Variants in USP19 observed in about 807,000 individuals in gnomAD.
The protein encoded by USP19 is ubiquitin specific peptidase 19.
In USP19, 40 loss-of-function variants were observed where a neutral mutation model predicts 144.8. That is an observed-to-expected ratio of 0.28 (90% CI 0.21 to 0.36). The LOEUF is 0.36. Among genes scored for constraint, USP19 ranks in the 10% least tolerant of loss-of-function variants. The pLI, the probability that USP19 is intolerant of heterozygous loss-of-function variation, is 1.00. For missense variants in USP19, 1,518 were observed against 1,822.5 expected (o/e 0.83, Z 3.04); for synonymous variants, 701 against 709.3 (o/e 0.99, Z 0.19).
At position 49,110,548 on chromosome 3, in the gene USP19, T is replaced by C; in HGVS notation, c.3755A>G (p.Tyr1252Cys). Residue 1252 changes from tyrosine (Y) to cysteine (C), a missense_variant, in exon 25 of 27, where the codon TAC becomes TGC. Around this residue, in one of 5 missense-constraint regions of USP19, gnomAD observed 122 missense variants for 200.4 expected, o/e 0.61. Coordinates refer to ENST00000417901, the MANE Select transcript of USP19 (RefSeq NM_001199161.2). This position sits in a 1 kb window ranked among gnomAD's most constrained non-coding sequence, Gnocchi z 6.1. The part of the protein sequence containing the change: ...IGQKEEQLPS[Y>C]DLYAVINHYG... ...GTGGTTGATGACAGCATATAGATCGTAGCTGGGCAGCTGCTCCTCTTTCTG... is the reference window on the plus strand; with the variant it reads ...GTGGTTGATGACAGCATATAGATCGCAGCTGGGCAGCTGCTCCTCTTTCTG... 1.2e-6 allele frequency: 2 copies of C among 1,614,096 alleles called. No individual in the cohort carries two copies. Among genetic ancestry groups the C allele is most frequent in the Non-Finnish European group, 1.7e-6 (2 of 1,180,024 alleles).
At position 49,108,711 on chromosome 3, in the gene USP19, T is replaced by A; in HGVS notation, c.4039-183A>T. The A allele has an allele frequency of 7.4e-7, 1 of 1,343,882 alleles. No individual in the cohort carries two copies. Among genetic ancestry groups the A allele is most frequent in the Non-Finnish European group, 9.5e-7 (1 of 1,051,496 alleles). The allele number at this position is 1,343,882 out of a possible 1,614,324, so 83.2% of individuals were successfully genotyped here. On this transcript the variant is annotated intron_variant, in intron 26 of 26. Coordinates refer to ENST00000417901, the MANE Select transcript of USP19 (RefSeq NM_001199161.2). This position sits in a 1 kb window ranked among gnomAD's most constrained non-coding sequence, Gnocchi z 4.8. The stretch of plus-strand genomic sequence containing the variant: ...GTCTGGTTTTATTAACACTTTTAAG[T>A]ACAGGAAGTAGCTTGGGCAGGGCCA...
chr3:49,114,610 C>T lies in USP19; in HGVS notation c.2292+153G>A, dbSNP rs2043778126. 1.3e-5 allele frequency among the ~76,000 whole-genome samples: 2 copies of T among 152,218 alleles called. No individual in the cohort carries two copies. The highest frequency in any genetic ancestry group is 4.8e-5 in the African/African-American group (2 of 41,452). On this transcript the variant is annotated intron_variant, in intron 15 of 26. Transcript: ENST00000417901. The surrounding 1 kb of genome is among the most constrained non-coding windows in gnomAD (Gnocchi z 4.5). ...TCAGGAAGCCTACCCTGAGTGGGCT[C>T]TTCAGCCCAAATAGAATCCTAAGGC...
At position 49,114,291 on chromosome 3, in the gene USP19, ATG is replaced by A. The variant is rs760241590; in HGVS notation, c.2293-9_2293-8del. Reference sequence around the variant, plus strand: ...GGTCAAAAGTGATGGAGACCTGTGGATGTAGAGGTGGCACTGGGTAGCTGCAC... The same window carrying A: ...GGTCAAAAGTGATGGAGACCTGTGGATAGAGGTGGCACTGGGTAGCTGCAC... On this transcript the variant is annotated splice_polypyrimidine_tract_variant and splice_region_variant and intron_variant, in intron 15 of 26. Coordinates refer to ENST00000417901, the MANE Select transcript of USP19 (RefSeq NM_001199161.2). This position sits in a 1 kb window ranked among gnomAD's most constrained non-coding sequence, Gnocchi z 4.5. The A allele has an allele frequency of 1.2e-6, 2 of 1,613,564 alleles. No homozygotes were observed. The highest frequency in any genetic ancestry group is 1.7e-6 in the Non-Finnish European group (2 of 1,179,516).
Position 49,108,433 on chromosome 3 carries a change from G to A in USP19, c.4134C>T (p.Ser1378=). The A allele has an allele frequency of 7.2e-7, 1 of 1,389,858 alleles. No homozygotes were observed. Among genetic ancestry groups the A allele is most frequent in the Non-Finnish European group, 9.4e-7 (1 of 1,058,588 alleles). 86.1% of individuals were successfully genotyped at this position (1,389,858 alleles called of 1,614,324 possible). A position where few individuals can be genotyped will look rare whatever the true frequency, so the allele number is the denominator to read the frequency against. Residue 1378 remains serine (S), a synonymous_variant, in exon 27 of 27, where the codon AGC becomes AGT. Transcript: ENST00000417901. The surrounding 1 kb of genome is among the most constrained non-coding windows in gnomAD (Gnocchi z 4.8). ...PPVDRPAPTY[S]NMEEVD ...CCTGCTAATCCACCTCCTCCATGTT[G>A]CTGTAGGTGGGGGCTGGCCGATCCA...
chr3:49,113,308 ACT>A (rs1284693808), intron 17 of USP19, among the ~76,000 whole-genome samples: 6 of 152,078 alleles, frequency 3.9e-5, no homozygotes, highest in Admixed American at 1.3e-4. Context: ...ACAGAGTCTC[ACT>A]CTGTCACCCA....
chr3:49,112,248 G>T lies in USP19; in HGVS notation c.2765+36C>A. The T allele has an allele frequency of 6.3e-7, 1 of 1,579,618 alleles. No individual in the cohort carries two copies. On this transcript the variant is annotated intron_variant, in intron 19 of 26. Coordinates refer to ENST00000417901, the MANE Select transcript of USP19 (RefSeq NM_001199161.2). This position sits in a 1 kb window ranked among gnomAD's most constrained non-coding sequence, Gnocchi z 4.9. ...GGAGCAGGGTGGCACATGGAAGGTGGAAAGAAAGGGTAGGGGAGACCATGG... is the reference window on the plus strand; with the variant it reads ...GGAGCAGGGTGGCACATGGAAGGTGTAAAGAAAGGGTAGGGGAGACCATGG...
In USP19 at chr3:49,111,129, C is replaced by T; in HGVS notation, c.3366G>A (p.Leu1122=). Residue 1122 remains leucine, a synonymous_variant, in exon 23 of 27, where the codon CTG becomes CTA. Coordinates refer to ENST00000417901, the MANE Select transcript of USP19 (RefSeq NM_001199161.2). The surrounding 1 kb of genome is among the most constrained non-coding windows in gnomAD (Gnocchi z 5.9). ...TPLELGDDCS[L]ALVWRNNERL... is the part of the protein sequence containing the mutation. ...GCTCATTGTTCCGCCAGACGAGAGC[C>T]AGGCTACAGTCGTCACCCAGCTCCA... 6.2e-7 allele frequency: 1 copy of T among 1,613,804 alleles called. No individual in the cohort carries two copies.
At position 49,116,389 on chromosome 3, in the gene USP19, G is replaced by T; in HGVS notation, c.1284-38C>A. 6.2e-7 allele frequency: 1 copy of T among 1,614,052 alleles called. No homozygotes were observed. The highest frequency in any genetic ancestry group is 2.2e-5 in the East Asian group (1 of 44,868). On this transcript the variant is annotated intron_variant, in intron 8 of 26. Coordinates refer to ENST00000417901, the MANE Select transcript of USP19 (RefSeq NM_001199161.2). This position sits in a 1 kb window ranked among gnomAD's most constrained non-coding sequence, Gnocchi z 5.0. The stretch of plus-strand genomic sequence containing the variant: ...AGCAGGATAGGAGGAAGGACAAGAG[G>T]AAGAGCATGAGACATACTGTCCCAC...
In USP19 at chr3:49,111,518, T is replaced by A; in HGVS notation, c.3199A>T (p.Arg1067Trp). ...ATCTTACCTTCGGGTCGGGACACCC[T>A]CTCGCCAGCTGGCAAGGAGCCAACC... is the stretch of plus-strand genomic sequence containing the variant. ...IEVGSLPAGE[R>W]VSRPEAAVPG... Residue 1067 changes from arginine to tryptophan, a missense_variant, in exon 21 of 27, where the codon AGG becomes TGG. Transcript: ENST00000417901. The surrounding 1 kb of genome is among the most constrained non-coding windows in gnomAD (Gnocchi z 5.9). The A allele has an allele frequency of 6.2e-7, 1 of 1,611,626 alleles. No individual in the cohort carries two copies. Among genetic ancestry groups the A allele is most frequent in the Non-Finnish European group, 8.5e-7 (1 of 1,179,942 alleles).
rs760282728 is a variant in USP19 at position 49,111,699 on chromosome 3, G to A, written c.3018C>T (p.Ser1006=). The A allele has an allele frequency of 6.9e-6, 11 of 1,594,246 alleles. No homozygotes were observed. The highest frequency in any genetic ancestry group is 1.7e-4 in the Middle Eastern group (1 of 5,998). ...CAGGTGGCTGAATGGGGTCTCTCTC[G>A]CTGTCCCCAGCCTCCAGGGAACCTG... The part of the protein sequence containing the change: ...LSTGSLEAGD[S]ERDPIQPPEL... The change falls in exon 21 of 27, where the codon AGC becomes AGT. Residue 1006 remains serine (S), a synonymous_variant. Transcript: ENST00000417901. This position sits in a 1 kb window ranked among gnomAD's most constrained non-coding sequence, Gnocchi z 5.9.
rs2044194327 is a variant in USP19 at position 49,116,661 on chromosome 3, A to G, written c.1127-54T>C. 7 of 1,611,374 alleles carry G rather than the reference A, an allele frequency of 4.3e-6. No individual in the cohort carries two copies. The highest frequency in any genetic ancestry group is 5.1e-6 in the Non-Finnish European group (6 of 1,178,292). ...CCAGGACAGGTTCCAGCCTATTGCT[A>G]CTCTCTATCCACCTACAAACTTTGC... is the stretch of plus-strand genomic sequence containing the variant. On this transcript the variant is annotated intron_variant, in intron 7 of 26. Coordinates refer to ENST00000417901, the MANE Select transcript of USP19 (RefSeq NM_001199161.2). The surrounding 1 kb of genome is among the most constrained non-coding windows in gnomAD (Gnocchi z 5.0).
Position 49,111,411 on chromosome 3 carries a change from T to TCACCAGGCC in USP19, c.3218-55_3218-47dup. Reference sequence around the variant, plus strand: ...CAAAGCTTCCCTGCCCATCAGGGCCTCACCAGGCCCACCAGGCCCTAAACA... The same window carrying TCACCAGGCC: ...CAAAGCTTCCCTGCCCATCAGGGCCTCACCAGGCCCACCAGGCCCACCAGGCCCTAAACA... On this transcript the variant is annotated intron_variant, in intron 21 of 26. Transcript: ENST00000417901. The surrounding 1 kb of genome is among the most constrained non-coding windows in gnomAD (Gnocchi z 5.9). The TCACCAGGCC allele has an allele frequency of 3.7e-6, 6 of 1,613,460 alleles. No individual in the cohort carries two copies. The highest frequency in any genetic ancestry group is 5.1e-6 in the Non-Finnish European group (6 of 1,179,562).
Position 49,114,028 on chromosome 3 carries a change from A to T in USP19, c.2469T>A (p.Ser823Arg), listed in dbSNP as rs773707131. ...ASEVLDSLSQ[S>R]VHVKPENLRL... ...GCAGGTTCTCAGGCTTCACATGAAC[A>T]CTCTGAGAGAGGGAGTCCAATACTT... Residue 823 changes from serine to arginine, a missense_variant, in exon 17 of 27, where the codon AGT becomes AGA. Around this residue, in one of 5 missense-constraint regions of USP19, gnomAD observed 413 missense variants for 515.8 expected, o/e 0.80. Coordinates refer to ENST00000417901, the MANE Select transcript of USP19 (RefSeq NM_001199161.2). The surrounding 1 kb of genome is among the most constrained non-coding windows in gnomAD (Gnocchi z 4.5). 9 of 1,614,072 alleles carry T rather than the reference A, an allele frequency of 5.6e-6. No homozygotes were observed. The highest frequency in any genetic ancestry group is 7.6e-6 in the Non-Finnish European group (9 of 1,180,034).
In USP19 at chr3:49,114,978, G is replaced by A. The variant is rs1173257700; in HGVS notation, c.2162C>T (p.Ser721Leu). 5 of 1,614,050 alleles carry A rather than the reference G, an allele frequency of 3.1e-6. No individual in the cohort carries two copies. The highest frequency in any genetic ancestry group is 4.2e-6 in the Non-Finnish European group (5 of 1,180,044). Residue 721 changes from serine (S) to leucine (L), a missense_variant, in exon 14 of 27, where the codon TCA becomes TTA. Coordinates refer to ENST00000417901, the MANE Select transcript of USP19 (RefSeq NM_001199161.2). This position sits in a 1 kb window ranked among gnomAD's most constrained non-coding sequence, Gnocchi z 4.5. ...CCTGACCTCATCGGGCCGCCCATCT[G>A]AATCCACGGTCTCTGTGTAGGGCTT... Reference protein sequence around the residue: ...QNKPYTETVDSDGRPDEVVAE... With the variant: ...QNKPYTETVDLDGRPDEVVAE...
chr3:49,112,100 T>TTTA lies in USP19; in HGVS notation c.2766-53_2766-52insTAA. ...GGCCCTTAGCCCCATCTCCTATGAC[T>TTTA]CCATACTGGGGGCTAGTCATAGTCC... On this transcript the variant is annotated intron_variant, in intron 19 of 26. Coordinates refer to ENST00000417901, the MANE Select transcript of USP19 (RefSeq NM_001199161.2). The surrounding 1 kb of genome is among the most constrained non-coding windows in gnomAD (Gnocchi z 4.9). 6.2e-7 allele frequency: 1 copy of TTTA among 1,600,770 alleles called. No homozygotes were observed. Among genetic ancestry groups the TTTA allele is most frequent in the Non-Finnish European group, 8.5e-7 (1 of 1,172,466 alleles).
rs199954996 is a variant in USP19 at position 49,111,504 on chromosome 3, G to A, written c.3213C>T (p.Pro1071=). ...GAGCCTTTCACTGGATCTTACCTTC[G>A]GGTCGGGACACCCTCTCGCCAGCTG... ...SLPAGERVSR[P]EAAVPGYQHP... The change falls in exon 21 of 27, where the codon CCC becomes CCT. Residue 1071 remains proline (P), a synonymous_variant. Coordinates refer to ENST00000417901, the MANE Select transcript of USP19 (RefSeq NM_001199161.2). This position sits in a 1 kb window ranked among gnomAD's most constrained non-coding sequence, Gnocchi z 5.9. 46 of 1,611,188 alleles carry A rather than the reference G, an allele frequency of 2.9e-5. No individual in the cohort carries two copies. The highest frequency in any genetic ancestry group is 1.6e-4 in the Middle Eastern group (1 of 6,082).
chr3:49,112,606 A>G lies in USP19; in HGVS notation c.2529T>C (p.Arg843=). The G allele has an allele frequency of 6.2e-7, 1 of 1,613,522 alleles. No homozygotes were observed. Among genetic ancestry groups the G allele is most frequent in the East Asian group, 2.2e-5 (1 of 44,864 alleles). ...LAEVIKNRFH[R]VFLPSHSLDT... ...CCAGTGAGTGGGAGGGTAGGAACAC[A>G]CGATGAAAACGATTCTTAATTACCT... The change falls in exon 18 of 27, where the codon CGT becomes CGC. Residue 843 remains arginine, a synonymous_variant. Coordinates refer to ENST00000417901, the MANE Select transcript of USP19 (RefSeq NM_001199161.2). The surrounding 1 kb of genome is among the most constrained non-coding windows in gnomAD (Gnocchi z 4.9).
intron 26 of USP19, chr3:49,109,266 C>A: frequency 1.4e-6 from 2 of 1,425,388 alleles, no homozygotes; most frequent in Non-Finnish European, 1.8e-6. Context: ...CATGACAGTC[C>A]CACCTGGGGT....
At chr3:49,109,098 A>G (rs2042746881) in intron 26 of USP19, 3 of 1,587,404 alleles carry the variant, frequency 1.9e-6, no homozygotes, top group Non-Finnish European at 1.7e-6. Context: ...GGGCCCACCC[A>G]GTCTTGGGGC....
Sources: gnomAD v4.1 joint callset for allele counts (sites outside exome capture counted in the v4.1 genomes callset) on GRCh38, gnomAD v4.1.1 for gene constraint, gnomAD v4.1.1 regional missense constraint, Gnocchi (gnomAD v3.1) non-coding constraint, MANE v1.5 for transcripts, NCBI Gene and HGNC (gene_info 2026-07-23, HGNC 2026-07-21) for gene names.